The following NACC1 variants were observed in gnomAD, a reference collection of about 807,000 sequenced individuals.
NACC1 encodes the protein nucleus accumbens-associated protein 1.
Under a neutral mutation model 41.7 loss-of-function variants are expected in NACC1, and 6 were observed. That is an observed-to-expected ratio of 0.14 (90% CI 0.08 to 0.28). The LOEUF (loss-of-function observed/expected upper bound fraction) is 0.28. NACC1 is among the 10% of genes least tolerant of loss of function. The pLI is 1.00. For synonymous variants in NACC1, 338 were observed against 330.6 expected (o/e 1.02, Z -0.24); for missense variants, 434 against 763.7 (o/e 0.57, Z 5.09).
chr19:13,136,308 G>T lies in NACC1; in HGVS notation c.1023G>T (p.Ala341=), dbSNP rs750723673. Residue 341 remains alanine, a synonymous_variant, in exon 3 of 6, where the codon GCG becomes GCT. Coordinates refer to ENST00000292431, the MANE Select transcript of NACC1 (RefSeq NM_052876.4). The surrounding 1 kb of genome is among the most constrained non-coding windows in gnomAD (Gnocchi z 5.5). ...RNRIRVRQDL[A]SLPAELINQI... is the part of the protein sequence containing the mutation. ...GCATCCGGGTTCGGCAAGACCTGGC[G>T]TCTCTCCCGGCTGAACTTATCAACC... 1 of 1,614,090 alleles carries T rather than the reference G, an allele frequency of 6.2e-7. No individual in the cohort carries two copies. Among genetic ancestry groups the T allele is most frequent in the Admixed American group, 1.7e-5 (1 of 60,002 alleles).
Position 13,135,282 on chromosome 19 carries a change from G to A in NACC1, c.75G>A (p.Leu25=), listed in dbSNP as rs1213092604. 3 of 1,613,728 alleles carry A rather than the reference G, an allele frequency of 1.9e-6. No individual in the cohort carries two copies. The highest frequency in any genetic ancestry group is 2.5e-6 in the Non-Finnish European group (3 of 1,180,034). ...SILECLNEQR[L]QGLYCDVSVV... ...TGGAGTGCCTCAATGAACAGCGGCTGCAGGGCCTGTACTGTGACGTGTCAG... is the reference window on the plus strand; with the variant it reads ...TGGAGTGCCTCAATGAACAGCGGCTACAGGGCCTGTACTGTGACGTGTCAG... The change falls in exon 2 of 6, where the codon CTG becomes CTA. Residue 25 remains leucine, a synonymous_variant. Transcript: ENST00000292431.
intron 1 of NACC1, among the ~76,000 whole-genome samples, chr19:13,132,573 T>G (rs2019647057): frequency 6.6e-6 from 1 of 151,408 alleles, no homozygotes; most frequent in Non-Finnish European, 1.5e-5. Context: ...GCAAGGGGAG[T>G]ATGAAACCAG....
At position 13,138,359 on chromosome 19, in the gene NACC1, G is replaced by T. The variant is rs201811994; in HGVS notation, c.1537G>T (p.Ala513Ser). Residue 513 changes from alanine (A) to serine (S), a missense_variant, in exon 6 of 6, where the codon GCC (alanine) becomes TCC (serine). Ala to Ser is a moderately conservative substitution (Grantham distance 99, BLOSUM62 1). Transcript: ENST00000292431. This position sits in a 1 kb window ranked among gnomAD's most constrained non-coding sequence, Gnocchi z 5.7. ...MMGVEHGFET[A>S]SHEGEAGPSA... The stretch of plus-strand genomic sequence containing the variant: ...GGGTGTGGAGCATGGCTTCGAGACC[G>T]CCAGCCACGAGGGCGAGGCGGGTCC... The T allele has an allele frequency of 6.2e-7, 1 of 1,613,268 alleles. No individual in the cohort carries two copies. Among genetic ancestry groups the T allele is most frequent in the Non-Finnish European group, 8.5e-7 (1 of 1,179,966 alleles).
intron 1 of NACC1, among the ~76,000 whole-genome samples, chr19:13,134,864 T>C (rs1300056919): frequency 2.0e-5 from 3 of 152,234 alleles, no homozygotes; most frequent in Non-Finnish European, 4.4e-5. Flanking sequence ...CACTGTGTCC[T>C]AGCCACTCTT....
chr19:13,136,239 G>A lies in NACC1; in HGVS notation c.954G>A (p.Lys318=). The A allele has an allele frequency of 6.2e-7, 1 of 1,612,792 alleles. No homozygotes were observed. The highest frequency in any genetic ancestry group is 8.5e-7 in the Non-Finnish European group (1 of 1,179,118). ...SMMNVGQTAE[K]VEALPEQVAP... is the part of the protein sequence containing the mutation. ...GCCACTCTCTCCCTGCAGCCGAGAA[G>A]GTGGAGGCCCTCCCGGAGCAGGTAG... The change falls in exon 3 of 6, where the codon AAG becomes AAA. Residue 318 remains lysine, a synonymous_variant. Coordinates refer to ENST00000292431, the MANE Select transcript of NACC1 (RefSeq NM_052876.4). The surrounding 1 kb of genome is among the most constrained non-coding windows in gnomAD (Gnocchi z 5.5).
At chr19:13,124,684 T>C (rs2019540971) in intron 1 of NACC1, among the ~76,000 whole-genome samples, 1 of 152,216 alleles carries the variant, frequency 6.6e-6, no homozygotes, top group Non-Finnish European at 1.5e-5. Flanking sequence ...CATGAAGGAC[T>C]GTGGGGCTCT....
At chr19:13,134,347 A>G (rs1030767334) in intron 1 of NACC1, among the ~76,000 whole-genome samples, 8 of 150,320 alleles carry the variant, frequency 5.3e-5, no homozygotes, top group Non-Finnish European at 1.0e-4. Context: ...GGCATGAGCC[A>G]CTGCACCCAG....
Position 13,137,713 on chromosome 19 carries a change from C to T in NACC1, c.1324+138C>T. On this transcript the variant is annotated intron_variant, in intron 5 of 5. Coordinates refer to ENST00000292431, the MANE Select transcript of NACC1 (RefSeq NM_052876.4). This position sits in a 1 kb window ranked among gnomAD's most constrained non-coding sequence, Gnocchi z 6.1. The stretch of plus-strand genomic sequence containing the variant: ...GGCTCATTCTAGCCTTGCTGGGAAA[C>T]CGGCTGTGATTGCTTAGAGATTTCT... 1.3e-6 allele frequency: 1 copy of T among 744,038 alleles called. No individual in the cohort carries two copies. Among genetic ancestry groups the T allele is most frequent in the Non-Finnish European group, 2.1e-6 (1 of 466,180 alleles). The allele number at this position is 744,038 out of a possible 1,614,324, so 46.1% of individuals were successfully genotyped here. A position where few individuals can be genotyped will look rare whatever the true frequency, so the allele number is the denominator to read the frequency against.
intron 1 of NACC1, among the ~76,000 whole-genome samples, chr19:13,126,426 C>T (rs1174778341): frequency 6.6e-6 from 1 of 152,126 alleles, no homozygotes; most frequent in Admixed American, 6.5e-5. Context: ...AACATTCAGA[C>T]CATAGCATCT....
At position 13,135,636 on chromosome 19, in the gene NACC1, C is replaced by T. The variant is rs1568385525; in HGVS notation, c.429C>T (p.Pro143=). ...CGGAGGAGGCCCCATCGTCGGAGCCCCAGAGCCCCGTGGCGCAGACATCGG... is the reference window on the plus strand; with the variant it reads ...CGGAGGAGGCCCCATCGTCGGAGCCTCAGAGCCCCGTGGCGCAGACATCGG... The part of the protein sequence containing the change: ...LHAEEAPSSE[P]QSPVAQTSGW... The change falls in exon 2 of 6, where the codon CCC becomes CCT. Residue 143 remains proline (P), a synonymous_variant. Coordinates refer to ENST00000292431, the MANE Select transcript of NACC1 (RefSeq NM_052876.4). 1 of 1,570,168 alleles carries T rather than the reference C, an allele frequency of 6.4e-7. No individual in the cohort carries two copies. The highest frequency in any genetic ancestry group is 1.9e-5 in the Admixed American group (1 of 54,038).
rs971185557 is a variant in NACC1, at chr19:13,138,434, A to G, written c.*28A>G. 2.5e-6 allele frequency: 4 copies of G among 1,599,120 alleles called. No individual in the cohort carries two copies. Among genetic ancestry groups the G allele is most frequent in the Non-Finnish European group, 2.5e-6 (3 of 1,177,122 alleles). ...CGCCCAGCCTCCCGCGGGGCCACAC[A>G]CTTCCCCTCCCAACACACACACACA... On this transcript the variant is annotated 3_prime_UTR_variant, in exon 6 of 6. Coordinates refer to ENST00000292431, the MANE Select transcript of NACC1 (RefSeq NM_052876.4). This position sits in a 1 kb window ranked among gnomAD's most constrained non-coding sequence, Gnocchi z 5.7.
chr19:13,132,612 G>A (rs1877351967), intron 1 of NACC1, among the ~76,000 whole-genome samples: 1 of 152,018 alleles, frequency 6.6e-6, no homozygotes, highest in Admixed American at 6.6e-5. Context: ...AGGATTCGGG[G>A]AGCTCATAGA....
chr19:13,125,507 G>A (rs930266977), intron 1 of NACC1, among the ~76,000 whole-genome samples: 4 of 140,954 alleles, frequency 2.8e-5, no homozygotes, highest in East Asian at 2.3e-4. Context: ...CGCATCCTCC[G>A]CCTCCCAGGT....
At chr19:13,130,325 G>C (rs1330045830) in intron 1 of NACC1, among the ~76,000 whole-genome samples, 1 of 152,042 alleles carries the variant, frequency 6.6e-6, no homozygotes, top group Non-Finnish European at 1.5e-5. Context: ...GGCTCCTCCT[G>C]CTTCTGCCTC....
chr19:13,138,378 C>T lies in NACC1; in HGVS notation c.1556C>T (p.Ala519Val), dbSNP rs781523419. The change falls in exon 6 of 6, where the codon GCG (alanine) becomes GTG (valine). Residue 519 changes from alanine to valine, a missense_variant. Transcript: ENST00000292431. The surrounding 1 kb of genome is among the most constrained non-coding windows in gnomAD (Gnocchi z 5.7). Reference sequence around the variant, plus strand: ...GAGACCGCCAGCCACGAGGGCGAGGCGGGTCCCTCGGCTGAAGCCCTGCAG... The same window carrying T: ...GAGACCGCCAGCCACGAGGGCGAGGTGGGTCCCTCGGCTGAAGCCCTGCAG... ...GFETASHEGE[A>V]GPSAEALQ 24 of 1,612,326 alleles carry T rather than the reference C, an allele frequency of 1.5e-5. No individual in the cohort carries two copies. The highest frequency in any genetic ancestry group is 6.7e-5 in the Admixed American group (4 of 60,014).
Position 13,138,584 on chromosome 19 carries a change from G to C in NACC1, c.*178G>C. The C allele has an allele frequency of 1.1e-6, 1 of 932,110 alleles. No individual in the cohort carries two copies. Among genetic ancestry groups the C allele is most frequent in the Non-Finnish European group, 1.6e-6 (1 of 635,272 alleles). 57.7% of individuals were successfully genotyped at this position (932,110 alleles called of 1,614,324 possible). On this transcript the variant is annotated 3_prime_UTR_variant, in exon 6 of 6. Coordinates refer to ENST00000292431, the MANE Select transcript of NACC1 (RefSeq NM_052876.4). The surrounding 1 kb of genome is among the most constrained non-coding windows in gnomAD (Gnocchi z 5.7). ...CCCCACCGAGAGCTGGGCCGGGAGA[G>C]GACCGCAGGGCAGGTGGCGTGAGGT...
At chr19:13,122,172 C>T (rs889987267) in intron 1 of NACC1, among the ~76,000 whole-genome samples, 1 of 152,204 alleles carries the variant, frequency 6.6e-6, no homozygotes. Flanking sequence ...CATGTCCCTC[C>T]AGCCTTCTCA....
intron 1 of NACC1, among the ~76,000 whole-genome samples, chr19:13,125,416 T>G (rs1280071961): frequency 2.0e-5 from 2 of 99,768 alleles, no homozygotes; most frequent in Non-Finnish European, 4.6e-5. Context: ...GCCCCACTTT[T>G]TTTTTTTTTT....
rs1376464246 is a variant in NACC1, at chr19:13,141,003, C to G, written c.*2597C>G. The G allele has an allele frequency of 6.6e-6, 1 of 152,508 alleles. No individual in the cohort carries two copies. Among genetic ancestry groups the G allele is most frequent in the Non-Finnish European group, 1.5e-5 (1 of 68,012 alleles). 9.4% of individuals were successfully genotyped at this position (152,508 alleles called of 1,614,324 possible). A position where few individuals can be genotyped will look rare whatever the true frequency, so the allele number is the denominator to read the frequency against. On this transcript the variant is annotated 3_prime_UTR_variant, in exon 6 of 6. Transcript: ENST00000292431. ...CGTGAAGTGCCAACGCCCTCCCCAC[C>G]CTGGGCCGAGCCCCCACCCCTCCCT...
Sources: allele counts gnomAD v4.1 joint callset (sites outside exome capture counted in the v4.1 genomes callset), GRCh38; gene constraint gnomAD v4.1.1; non-coding constraint Gnocchi (gnomAD v3.1); transcripts MANE v1.5; gene names NCBI Gene and HGNC (gene_info 2026-07-23, HGNC 2026-07-21).